Variants in TPO observed in about 807,000 individuals in gnomAD.
TPO encodes thyroid peroxidase.
In TPO, 78 loss-of-function variants were observed where a neutral mutation model predicts 96.9. The ratio of observed to expected loss-of-function variants is 0.81; its 90% CI spans 0.67 to 0.97. The LOEUF (loss-of-function observed/expected upper bound fraction) is 0.97, where lower values mean the gene tolerates loss of function less well. TPO is among the 50% of genes least tolerant of loss of function. The pLI is 0.00. For missense variants in TPO, 1,252 were observed against 1,274.8 expected (o/e 0.98, Z 0.27); for synonymous variants, 547 against 538.0 (o/e 1.02, Z -0.23).
chr2:1,493,224 T>A, intron 10 of TPO, among the ~76,000 whole-genome samples: 1 of 111,578 alleles, frequency 9.0e-6, no homozygotes, highest in Non-Finnish European at 1.9e-5. Context: ...GGGGGGGTGC[T>A]GGCTTCTGTG....
chr2:1,410,427 G>A (rs1385055334), upstream of TPO, among the ~76,000 whole-genome samples: 4 of 152,208 alleles, frequency 2.6e-5, no homozygotes, highest in African/African-American at 9.7e-5. Flanking sequence ...TTCTGTTACA[G>A]TCACAGGCAA....
In TPO at chr2:1,477,469, C is replaced by T. The variant is rs776243529; in HGVS notation, c.1203C>T (p.Pro401=). The change falls in exon 8 of 17, where the codon CCC becomes CCT. Residue 401 remains proline, a synonymous_variant. Transcript: ENST00000329066. The part of the protein sequence containing the change: ...LAGDGRASEV[P]SLTALHTLWL... ...GAGACGGCCGCGCCAGCGAGGTCCC[C>T]TCCCTGACGGCACTGCACACGCTGT... 9.2e-6 allele frequency: 14 copies of T among 1,528,650 alleles called. No individual in the cohort carries two copies. In the South Asian group the frequency reaches 1.6e-4, roughly 17 times the overall value. The allele number at this position is 1,528,650 out of a possible 1,614,324, so 94.7% of individuals were successfully genotyped here. A position where few individuals can be genotyped will look rare whatever the true frequency, so the allele number is the denominator to read the frequency against.
intron 2 of TPO, among the ~76,000 whole-genome samples, chr2:1,421,353 G>C (rs1663502191): frequency 6.6e-6 from 1 of 152,252 alleles, no homozygotes; most frequent in Admixed American, 6.5e-5. Flanking sequence ...GCCAAGAGCT[G>C]TGCAAACTTC....
At chr2:1,530,859 C>G (rs1677972240) in intron 15 of TPO, among the ~76,000 whole-genome samples, 1 of 132,950 alleles carries the variant, frequency 7.5e-6, no homozygotes, top group Admixed American at 7.6e-5. Flanking sequence ...CAAATACCCC[C>G]ACTGTGTGCA....
chr2:1,496,011 G>A lies in TPO; in HGVS notation c.2029G>A (p.Val677Ile), dbSNP rs368098727. 56 of 1,613,106 alleles carry A rather than the reference G, an allele frequency of 3.5e-5. No homozygotes were observed. Among genetic ancestry groups the A allele is most frequent in the East Asian group, 1.8e-4 (8 of 44,876 alleles). Residue 677 changes from valine (V) to isoleucine (I), a missense_variant, in exon 12 of 17, where the codon GTC becomes ATC. Val to Ile is a conservative substitution (Grantham distance 29). Coordinates refer to ENST00000329066, the MANE Select transcript of TPO (RefSeq NM_001206744.2). Reference sequence around the variant, plus strand: ...GAGGTTTTGGTGGGAGAACAGCCACGTCTTCACGGATGCACAGAGGCGTGA... The same window carrying A: ...GAGGTTTTGGTGGGAGAACAGCCACATCTTCACGGATGCACAGAGGCGTGA... ...GDWFWWENSH[V>I]FTDAQRRELE...
intron 1 of TPO, among the ~76,000 whole-genome samples, chr2:1,389,424 T>G (rs909875944): frequency 6.6e-6 from 1 of 152,234 alleles, no homozygotes; most frequent in African/African-American, 2.4e-5. Flanking sequence ...TTCCCAACTG[T>G]AATTGGAATC....
intron 14 of TPO, among the ~76,000 whole-genome samples, chr2:1,505,284 CCCCACTATCCTATATCAGGCACAT>C (rs1253568623): frequency 1.3e-5 from 2 of 148,486 alleles, no homozygotes; most frequent in East Asian, 2.0e-4. Flanking sequence ...GTCAGGCGCA[CCCCACTATCCTATATCAGGCACAT>C]CCCACTCTCC....
intron 14 of TPO, among the ~76,000 whole-genome samples, chr2:1,513,180 C>T (rs903054781): frequency 1.3e-5 from 2 of 152,158 alleles, no homozygotes; most frequent in Admixed American, 1.3e-4. Context: ...CATGGCTGTC[C>T]CTCAGTTTTC....
intron 7 of TPO, among the ~76,000 whole-genome samples, chr2:1,469,907 G>A (rs531912434): frequency 6.6e-6 from 1 of 152,256 alleles, no homozygotes; most frequent in Non-Finnish European, 1.5e-5. Flanking sequence ...TCGTTCTGGA[G>A]CAAAAGTTCA....
chr2:1,506,571 T>C (rs1374078806), intron 14 of TPO, among the ~76,000 whole-genome samples: 5 of 152,298 alleles, frequency 3.3e-5, no homozygotes, highest in African/African-American at 4.8e-5. Context: ...TTAATGATTG[T>C]CATTCCAACT....
Position 1,477,512 on chromosome 2 carries a change from C to T in TPO, c.1246C>T (p.Arg416Cys), listed in dbSNP as rs1322056931. The T allele has an allele frequency of 2.2e-5, 34 of 1,532,324 alleles. No homozygotes were observed. Among genetic ancestry groups the T allele is most frequent in the Non-Finnish European group, 2.9e-5 (33 of 1,144,826 alleles). 94.9% of individuals were successfully genotyped at this position (1,532,324 alleles called of 1,614,324 possible). A position where few individuals can be genotyped will look rare whatever the true frequency, so the allele number is the denominator to read the frequency against. Residue 416 changes from arginine to cysteine, a missense_variant, in exon 8 of 17, where the codon CGC (arginine) becomes TGC (cysteine). Physicochemically the swap from Arg to Cys is radical, Grantham distance 180 (BLOSUM62 -3). Transcript: ENST00000329066. ...LHTLWLREHN[R>C]LAAALKALNA... ...CACGCTGTGGCTGCGCGAGCACAAC[C>T]GCCTGGCCGCGGCGCTCAAGGCCCT...
rs1299030946 is a variant in TPO at position 1,534,077 on chromosome 2, ACCACTCTGTGCAACCTCCCCAAAACGCCC to A, written c.2619-6493_2619-6465del. Reference sequence around the variant, plus strand: ...CTGTGTTCAACCTCCCCGAATACCCACCACTCTGTGCAACCTCCCCAAAACGCCCCCACTCTGTGCAACCTCCCCAAATC... The same window carrying A: ...CTGTGTTCAACCTCCCCGAATACCCACCACTCTGTGCAACCTCCCCAAATC... On this transcript the variant is annotated intron_variant, in intron 15 of 16. Transcript: ENST00000329066. 7.0e-4 allele frequency among the ~76,000 whole-genome samples: 21 copies of A among 29,934 alleles called. 1 individual carries two copies. The East Asian group carries it at 0.022, about 31-fold the overall frequency. The allele number at this position is 29,934 out of a possible 152,430, so 19.6% of individuals were successfully genotyped here.
intron 5 of TPO, among the ~76,000 whole-genome samples, chr2:1,439,911 G>A (rs967342247): frequency 6.6e-6 from 1 of 152,042 alleles, no homozygotes; most frequent in South Asian, 2.1e-4. Flanking sequence ...CTGCCTCCCC[G>A]ATCCTAACTT....
rs539622413 is a variant in TPO, at chr2:1,456,118, G to T, written c.655G>T (p.Val219Phe). ...TRHVIQVSNE[V>F]VTDDDRYSDL... ...ACATGTCATTCAAGTTTCAAATGAGGTTGTCACAGATGATGACCGCTATTC... is the reference window on the plus strand; with the variant it reads ...ACATGTCATTCAAGTTTCAAATGAGTTTGTCACAGATGATGACCGCTATTC... The change falls in exon 7 of 17, where the codon GTT becomes TTT. Residue 219 changes from valine to phenylalanine, a missense_variant. Transcript: ENST00000329066. 2.5e-6 allele frequency: 4 copies of T among 1,614,012 alleles called. No individual in the cohort carries two copies. The South Asian group carries it at 3.3e-5, about 13-fold the overall frequency.
intron 1 of TPO, among the ~76,000 whole-genome samples, chr2:1,397,035 A>G (rs983064417): frequency 7.2e-5 from 11 of 152,140 alleles, no homozygotes; most frequent in African/African-American, 1.9e-4. Context: ...CCCTGTACTC[A>G]CTTGCTGTTG....
intron 1 of TPO, chr2:1,374,516 A>C (rs1471271046): frequency 1.3e-5 from 2 of 152,162 alleles, no homozygotes; most frequent in Non-Finnish European, 2.9e-5. Flanking sequence ...TGTGTTACAA[A>C]CTTAATAAGT....
intron 13 of TPO, among the ~76,000 whole-genome samples, chr2:1,501,366 G>T (rs1672855614): frequency 6.6e-6 from 1 of 151,974 alleles, no homozygotes. Flanking sequence ...TGCGGCTGAG[G>T]CTGGTTTCCT....
intron 5 of TPO, among the ~76,000 whole-genome samples, chr2:1,451,602 C>T (rs1573241080): frequency 6.6e-6 from 1 of 152,162 alleles, no homozygotes; most frequent in African/African-American, 2.4e-5. Context: ...CATGATGCAG[C>T]TTCAGACTCT....
intron 10 of TPO, among the ~76,000 whole-genome samples, chr2:1,490,601 G>A (rs10196514): frequency 0.1 from 15,804 of 151,736 alleles, 1,587 homozygotes; most frequent in African/African-American, 0.26. Context: ...GCCGGACTGC[G>A]ATCACTTTCT....
Sources: allele counts gnomAD v4.1 joint callset (sites outside exome capture counted in the v4.1 genomes callset), GRCh38; gene constraint gnomAD v4.1.1; transcripts MANE v1.5; gene names NCBI Gene and HGNC (gene_info 2026-07-23, HGNC 2026-07-21).